The following NPR1 variants were observed in gnomAD, a reference collection of about 807,000 sequenced individuals.
The protein encoded by NPR1 is natriuretic peptide receptor 1.
Under a neutral mutation model 116.9 loss-of-function variants are expected in NPR1, and 57 were observed. The observed-to-expected ratio is 0.49, with a 90% CI of 0.39 to 0.61. NPR1 has a LOEUF of 0.61. NPR1 is among the 20% of genes least tolerant of loss of function. The pLI, the probability that NPR1 is intolerant of heterozygous loss-of-function variation, is 0.00. For missense variants in NPR1, 1,096 were observed against 1,409.8 expected (o/e 0.78, Z 3.56); for synonymous variants, 555 against 601.6 (o/e 0.92, Z 1.13).
rs1670049827 is a variant in NPR1 at position 153,689,953 on chromosome 1, C to T, written c.2905C>T (p.Leu969=). ...AATCCGCCACCGGCCCCAGGAGCAG[C>T]TGCGCTTGCGCATTGGCATCCACAC... The part of the protein sequence containing the change: ...FRIRHRPQEQ[L]RLRIGIHTGP... The change falls in exon 19 of 22, where the codon CTG becomes TTG. Residue 969 remains leucine, a synonymous_variant. Coordinates refer to ENST00000368680, the MANE Select transcript of NPR1 (RefSeq NM_000906.4). The surrounding 1 kb of genome is among the most constrained non-coding windows in gnomAD (Gnocchi z 5.1). The T allele has an allele frequency of 6.5e-7, 1 of 1,542,106 alleles. No individual in the cohort carries two copies. Among genetic ancestry groups the T allele is most frequent in the Non-Finnish European group, 8.8e-7 (1 of 1,140,674 alleles).
intron 14 of NPR1, 101 bp downstream of exon 14, chr1:153,687,890 A>G: frequency 2.3e-6 from 3 of 1,316,428 alleles, no homozygotes; most frequent in African/African-American, 1.5e-5. Context: ...TCCTTCTGTA[A>G]TGGGGTTCAG....
At chr1:153,690,241 C>A in intron 19 of NPR1, 43 bp from the exon 20 acceptor site, 1 of 1,485,414 alleles carries the variant, frequency 6.7e-7, no homozygotes, top group South Asian at 1.2e-5. Context: ...CCCTCCCTCC[C>A]TCACTCGCTG....
chr1:153,681,899 T>G, intron 4 of NPR1, 60 bp downstream of exon 4: 2 of 1,587,510 alleles, frequency 1.3e-6, no homozygotes, highest in Non-Finnish European at 1.7e-6. Flanking sequence ...AGGTGCCCAG[T>G]GTCAAGCCAT....
chr1:153,689,642 A>G lies in NPR1; in HGVS notation c.2757+121A>G. The G allele has an allele frequency of 8.1e-7, 1 of 1,231,376 alleles. No homozygotes were observed. The highest frequency in any genetic ancestry group is 1.2e-6 in the Non-Finnish European group (1 of 857,886). 76.3% of individuals were successfully genotyped at this position (1,231,376 alleles called of 1,614,324 possible). On this transcript the variant is annotated intron_variant, in intron 18 of 21. Transcript: ENST00000368680. This position sits in a 1 kb window ranked among gnomAD's most constrained non-coding sequence, Gnocchi z 5.1. ...GGAGATCGGGGACACGGGCAGAGAC[A>G]GTGACACAGGGAGACCCGGGAACAG...
chr1:153,679,963 C>A lies in NPR1; in HGVS notation c.721+134C>A. 2 of 1,217,040 alleles carry A rather than the reference C, an allele frequency of 1.6e-6. No individual in the cohort carries two copies. The highest frequency in any genetic ancestry group is 2.2e-6 in the Non-Finnish European group (2 of 892,254). 75.4% of individuals were successfully genotyped at this position (1,217,040 alleles called of 1,614,324 possible). On this transcript the variant is annotated intron_variant, in intron 1 of 21. Coordinates refer to ENST00000368680, the MANE Select transcript of NPR1 (RefSeq NM_000906.4). This position sits in a 1 kb window ranked among gnomAD's most constrained non-coding sequence, Gnocchi z 4.2. ...TCGCCGTTCTTCATTCTACTTTCAG[C>A]TCCCTGGCCCTTTCTACAGCTGAGT... is the stretch of plus-strand genomic sequence containing the variant.
At chr1:153,691,117 A>T (rs1670098731) in intron 20 of NPR1, among the ~76,000 whole-genome samples, 1 of 152,068 alleles carries the variant, frequency 6.6e-6, no homozygotes, top group South Asian at 2.1e-4. Flanking sequence ...AGAGGGAAAA[A>T]ATCTATCTCA....
rs758621950 is a variant in NPR1 at position 153,689,001 on chromosome 1, G to A, written c.2466G>A (p.Gln822=). ...ACAACCTGCTGTCCCGCATGGAGCA[G>A]TACGCGAACAATCTGGAGGAACTGG... ...ILDNLLSRME[Q]YANNLEELVE... is the part of the protein sequence containing the mutation. Residue 822 remains glutamine, a synonymous_variant, in exon 16 of 22, where the codon CAG becomes CAA. Transcript: ENST00000368680. This position sits in a 1 kb window ranked among gnomAD's most constrained non-coding sequence, Gnocchi z 5.1. 6.2e-7 allele frequency: 1 copy of A among 1,614,206 alleles called. No homozygotes were observed. Among genetic ancestry groups the A allele is most frequent in the South Asian group, 1.1e-5 (1 of 91,090 alleles).
Position 153,680,718 on chromosome 1 carries a change from A to G in NPR1, c.921+18A>G, listed in dbSNP as rs1669747979. The G allele has an allele frequency of 1.3e-6, 2 of 1,596,078 alleles. No homozygotes were observed. Among genetic ancestry groups the G allele is most frequent in the African/African-American group, 2.7e-5 (2 of 74,630 alleles). ...CCTTTCAGGTGAGTACCTAGGTTTGAAGCCCAGGCTGTCTCAGCTTGTGGC... is the reference window on the plus strand; with the variant it reads ...CCTTTCAGGTGAGTACCTAGGTTTGGAGCCCAGGCTGTCTCAGCTTGTGGC... On this transcript the variant is annotated intron_variant, in intron 2 of 21. Transcript: ENST00000368680.
chr1:153,680,521 C>T lies in NPR1; in HGVS notation c.742C>T (p.Pro248Ser), dbSNP rs755541388. The T allele has an allele frequency of 6.2e-7, 1 of 1,614,208 alleles. No homozygotes were observed. The highest frequency in any genetic ancestry group is 2.2e-5 in the East Asian group (1 of 44,886). ...TCCAGTTATCTACATCTGCAGCTCC[C>T]CTGATGCCTTCAGAACCCTCATGCT... is the stretch of plus-strand genomic sequence containing the variant. ...KGRVIYICSS[P>S]DAFRTLMLLA... Residue 248 changes from proline to serine, a missense_variant, in exon 2 of 22, where the codon CCT becomes TCT. Transcript: ENST00000368680.
At chr1:153,687,989 C>A (rs1318694050) in intron 14 of NPR1, 64 bp from the exon 15 acceptor site, 4 of 1,243,628 alleles carry the variant, frequency 3.2e-6, no homozygotes. Flanking sequence ...CAGCTGGTTG[C>A]CCCAGTCTCT....
At chr1:153,692,732 C>T (rs1670142324) in intron 20 of NPR1, among the ~76,000 whole-genome samples, 1 of 152,074 alleles carries the variant, frequency 6.6e-6, no homozygotes, top group African/African-American at 2.4e-5. Flanking sequence ...AGGATGGTCT[C>T]GAACTCCTGG....
intron 3 of NPR1, 152 bp from the exon 4 acceptor site, chr1:153,681,552 T>A: frequency 3.8e-6 from 3 of 782,984 alleles, no homozygotes; most frequent in Non-Finnish European, 6.1e-6. Context: ...TCCAAAGGCA[T>A]CGTTTAAATA....
chr1:153,685,694 T>G, intron 8 of NPR1, 112 bp from the exon 9 acceptor site: 11 of 803,462 alleles, frequency 1.4e-5, no homozygotes, highest in Non-Finnish European at 1.7e-5. Context: ...AAAGGAAGGG[T>G]GACACAAAGA....
intron 15 of NPR1, 54 bp from the exon 16 acceptor site, chr1:153,688,899 G>C (rs1201172775): frequency 4.1e-6 from 2 of 482,038 alleles, no homozygotes; most frequent in Non-Finnish European, 2.8e-6. Context: ...GGGCGCTCAC[G>C]GTAGGCTGTG....
chr1:153,678,899 C>T lies in NPR1; in HGVS notation c.-210C>T, dbSNP rs1168112881. The T allele has an allele frequency of 8.5e-6, 5 of 586,242 alleles. No individual in the cohort carries two copies. In the African/African-American group the frequency reaches 9.9e-5, roughly 12 times the overall value. The allele number at this position is 586,242 out of a possible 1,614,324, so 36.3% of individuals were successfully genotyped here. ...CCTGGCACCCACCTGCTCCGCGGCG[C>T]CCTGCGCGCCCCCCTCGGTCGCGCC... On this transcript the variant is annotated 5_prime_UTR_variant, in exon 1 of 22. Transcript: ENST00000368680. This position sits in a 1 kb window ranked among gnomAD's most constrained non-coding sequence, Gnocchi z 5.8.
Position 153,681,207 on chromosome 1 carries a change from C to T in NPR1, c.949C>T (p.Pro317Ser). The change falls in exon 3 of 22, where the codon CCA becomes TCA. Residue 317 changes from proline (P) to serine (S), a missense_variant. Physicochemically the swap from Pro to Ser is moderately conservative, Grantham distance 74 (BLOSUM62 -1). Coordinates refer to ENST00000368680, the MANE Select transcript of NPR1 (RefSeq NM_000906.4). The part of the protein sequence containing the change: ...QAAKIITYKD[P>S]DNPEYLEFLK... ...TGCCAAAATCATTACATATAAAGAC[C>T]CAGATAATCCCGAGTACTTGGAATT... The T allele has an allele frequency of 6.2e-7, 1 of 1,612,444 alleles. No individual in the cohort carries two copies.
intron 3 of NPR1, 137 bp downstream of exon 3, chr1:153,681,430 G>A (rs776485741): frequency 3.0e-4 from 196 of 657,552 alleles, no homozygotes; most frequent in Non-Finnish European, 4.7e-4. Context: ...TTCTCGTGAT[G>A]ATGGAGGAGG....
chr1:153,682,049 C>CT (rs749942667), intron 4 of NPR1, among the ~76,000 whole-genome samples: 3 of 151,418 alleles, frequency 2.0e-5, no homozygotes, highest in Non-Finnish European at 4.4e-5. Context: ...TTTTACCTTT[C>CT]TTTTTCTTTT....
chr1:153,683,456 T>A lies in NPR1; in HGVS notation c.1344T>A (p.Pro448=), dbSNP rs368840690. Residue 448 remains proline (P), a synonymous_variant, in exon 6 of 22, where the codon CCT becomes CCA. Coordinates refer to ENST00000368680, the MANE Select transcript of NPR1 (RefSeq NM_000906.4). The stretch of plus-strand genomic sequence containing the variant: ...AACTGAACTGGCCCCTGGGGTACCC[T>A]CCTCCTGACATCCCCAAATGTGGCT... ...GRKLNWPLGY[P]PPDIPKCGFD... 1.9e-5 allele frequency: 31 copies of A among 1,613,996 alleles called. 1 individual carries two copies. Among genetic ancestry groups the A allele is most frequent in the Non-Finnish European group, 2.6e-5 (31 of 1,180,008 alleles).
Sources: gnomAD v4.1 joint callset for allele counts (sites outside exome capture counted in the v4.1 genomes callset) on GRCh38, gnomAD v4.1.1 for gene constraint, Gnocchi (gnomAD v3.1) non-coding constraint, MANE v1.5 for transcripts, NCBI Gene and HGNC (gene_info 2026-07-23, HGNC 2026-07-21) for gene names.